Variants in FBXL17 observed in about 807,000 individuals in gnomAD.
FBXL17 encodes F-box and leucine rich repeat protein 17, also known as F-box/LRR-repeat protein 17.
Under a neutral mutation model 66.2 loss-of-function variants are expected in FBXL17, and 22 were observed. That is an observed-to-expected ratio of 0.33 (90% CI 0.24 to 0.47). The LOEUF (loss-of-function observed/expected upper bound fraction) is 0.47. Among genes scored for constraint, FBXL17 ranks in the 20% least tolerant of loss-of-function variants. The probability of loss-of-function intolerance (pLI) is 1.00; values close to 1 mark genes in which losing one functional copy is unlikely to be tolerated. For synonymous variants in FBXL17, 474 were observed against 400.5 expected (o/e 1.18, Z -2.19); for missense variants, 878 against 948.2 (o/e 0.93, Z 0.97).
intron 4 of FBXL17, among the ~76,000 whole-genome samples, chr5:108,316,540 C>T (rs896863035): frequency 2.6e-5 from 4 of 151,338 alleles, no homozygotes; most frequent in African/African-American, 9.7e-5. Flanking sequence ...TATCTTCAAA[C>T]ATGAACTCTA....
chr5:108,243,750 T>C (rs1755967953), intron 4 of FBXL17, among the ~76,000 whole-genome samples: 1 of 152,164 alleles, frequency 6.6e-6, no homozygotes, highest in Non-Finnish European at 1.5e-5. Context: ...GAAGGCTAAA[T>C]TAAATCTACC....
chr5:108,260,387 A>G (rs921596814), intron 4 of FBXL17, among the ~76,000 whole-genome samples: 1 of 152,160 alleles, frequency 6.6e-6, no homozygotes, highest in South Asian at 2.1e-4. Context: ...TCACATTACC[A>G]CACAGGGTAG....
intron 3 of FBXL17, among the ~76,000 whole-genome samples, chr5:108,362,334 T>C (rs968045518): frequency 5.9e-5 from 9 of 152,174 alleles, no homozygotes; most frequent in Admixed American, 3.3e-4. Flanking sequence ...CTGCATATAA[T>C]TGAGTCACAT....
chr5:108,299,675 T>C (rs2150175952), intron 4 of FBXL17: 1 of 983,260 alleles, frequency 1.0e-6, no homozygotes, highest in Non-Finnish European at 1.2e-6. Context: ...AAGGCCAGCC[T>C]GCCCCTGTTC....
At chr5:107,929,407 T>C (rs1750652522) in intron 7 of FBXL17, among the ~76,000 whole-genome samples, 1 of 152,198 alleles carries the variant, frequency 6.6e-6, no homozygotes, top group African/African-American at 2.4e-5. Context: ...AAATTACCTT[T>C]ACTACTACTT....
chr5:108,265,639 G>A lies in FBXL17; in HGVS notation c.1507-41411C>T, dbSNP rs1757015941. On this transcript the variant is annotated intron_variant, in intron 4 of 8. Transcript: ENST00000542267. ...CATCCTTACTTTCACCAAGACTTAT[G>A]GAATTTGCACTATTATTAAATATCT... Among the ~76,000 whole-genome samples, 8 of 151,972 alleles carry A rather than the reference G, an allele frequency of 5.3e-5. No homozygotes were observed. In the South Asian group the frequency reaches 1.7e-3, roughly 32 times the overall value.
At chr5:108,340,930 TAG>T (rs993903806) in intron 4 of FBXL17, among the ~76,000 whole-genome samples, 23 of 152,218 alleles carry the variant, frequency 1.5e-4, no homozygotes, top group African/African-American at 5.5e-4. Context: ...CAATTACCAG[TAG>T]AGAGTGATTT....
At chr5:108,049,771 C>CA (rs1378659423) in intron 6 of FBXL17, among the ~76,000 whole-genome samples, 3 of 152,112 alleles carry the variant, frequency 2.0e-5, no homozygotes, top group African/African-American at 7.2e-5. Context: ...CTAAATGCTC[C>CA]AATTAAAAGA....
intron 6 of FBXL17, among the ~76,000 whole-genome samples, chr5:108,110,403 T>G (rs188339757): frequency 6.8e-6 from 1 of 147,164 alleles, no homozygotes. Context: ...ATAATTGCGG[T>G]ACATCACAGC....
intron 5 of FBXL17, among the ~76,000 whole-genome samples, chr5:108,216,072 T>A (rs1754587648): frequency 6.6e-6 from 1 of 152,244 alleles, no homozygotes; most frequent in Non-Finnish European, 1.5e-5. Flanking sequence ...CTTACATCAG[T>A]ACTATACTGT....
At chr5:107,943,550 T>C (rs1403956981) in intron 7 of FBXL17, among the ~76,000 whole-genome samples, 1 of 150,880 alleles carries the variant, frequency 6.6e-6, no homozygotes, top group Admixed American at 6.6e-5. Flanking sequence ...ACCTCATCTT[T>C]TTTTTTTTTT....
At chr5:108,083,196 T>C (rs901788089) in intron 6 of FBXL17, among the ~76,000 whole-genome samples, 1 of 142,806 alleles carries the variant, frequency 7.0e-6, no homozygotes, top group African/African-American at 2.5e-5. Context: ...TCTCCATGGC[T>C]TCTCCCTCAC....
chr5:107,866,163 T>A (rs1392946248), intron 8 of FBXL17, among the ~76,000 whole-genome samples: 2 of 152,138 alleles, frequency 1.3e-5, no homozygotes, highest in Non-Finnish European at 2.9e-5. Context: ...AAACTATCAA[T>A]GGCAACTCCT....
At chr5:108,125,904 G>A (rs1750679061) in intron 6 of FBXL17, among the ~76,000 whole-genome samples, 1 of 151,996 alleles carries the variant, frequency 6.6e-6, no homozygotes, top group African/African-American at 2.4e-5. Context: ...CTATTTTCCT[G>A]ATAAAGTAAC....
At chr5:108,026,014 A>G (rs1232728627) in intron 6 of FBXL17, among the ~76,000 whole-genome samples, 6 of 152,184 alleles carry the variant, frequency 3.9e-5, no homozygotes, top group African/African-American at 1.2e-4. Context: ...GGTATAATTT[A>G]TAGGTTTACT....
chr5:108,158,698 T>C (rs1027031490), intron 6 of FBXL17, among the ~76,000 whole-genome samples: 11 of 152,112 alleles, frequency 7.2e-5, no homozygotes, highest in Non-Finnish European at 1.3e-4. Context: ...AATCAATTCA[T>C]CCAAAATTTG....
intron 6 of FBXL17, among the ~76,000 whole-genome samples, chr5:108,123,848 T>A (rs989350525): frequency 6.6e-6 from 1 of 152,158 alleles, no homozygotes; most frequent in Admixed American, 6.5e-5. Flanking sequence ...AAATCAGTAC[T>A]TTCATATGGA....
chr5:108,336,861 A>C (rs558746414), intron 4 of FBXL17, among the ~76,000 whole-genome samples: 1 of 152,246 alleles, frequency 6.6e-6, no homozygotes, highest in South Asian at 2.1e-4. Context: ...TACGTCCTAA[A>C]AGCTATACTT....
At chr5:107,936,126 T>G (rs200036347) in intron 7 of FBXL17, among the ~76,000 whole-genome samples, 3 of 148,276 alleles carry the variant, frequency 2.0e-5, no homozygotes, top group Non-Finnish European at 4.5e-5. Flanking sequence ...ACTAGGAGTA[T>G]GGTATCCATT....
Sources: allele counts gnomAD v4.1 joint callset (sites outside exome capture counted in the v4.1 genomes callset), GRCh38; gene constraint gnomAD v4.1.1; transcripts MANE v1.5; gene names NCBI Gene and HGNC (gene_info 2026-07-23, HGNC 2026-07-21).